Variants in HERC2 observed in about 807,000 individuals in gnomAD.
The protein encoded by HERC2 is HECT and RLD domain containing E3 ubiquitin protein ligase 2.
Under a neutral mutation model 537.7 loss-of-function variants are expected in HERC2, and 102 were observed. The ratio of observed to expected loss-of-function variants is 0.19; its 90% CI spans 0.16 to 0.22. The LOEUF is 0.22. Among genes scored for constraint, HERC2 ranks in the 10% least tolerant of loss-of-function variants. The pLI is 1.00. For missense variants in HERC2, 4,236 were observed against 6,198.2 expected, an observed-to-expected ratio of 0.68 and a Z score of 10.63; for synonymous variants, 2,224 against 2,466.2, an observed-to-expected ratio of 0.90 and a Z score of 2.91.
At position 28,280,224 on chromosome 15, in the gene HERC2, T is replaced by G; in HGVS notation, c.386A>C (p.Gln129Pro). The G allele has an allele frequency of 6.2e-7, 1 of 1,614,172 alleles. No homozygotes were observed. Among genetic ancestry groups the G allele is most frequent in the Non-Finnish European group, 8.5e-7 (1 of 1,180,000 alleles). ...GGCTGAGAGGGTGGTGGTGGCTGAC[T>G]GGACGGCCAGGGCCTGCTGCTCTTT... ...LVKEQQALAV[Q>P]SATTTLSALR... is the part of the protein sequence containing the mutation. The change falls in exon 5 of 93, where the codon CAG becomes CCG. Residue 129 changes from glutamine (Q) to proline (P), a missense_variant. Gln to Pro is a moderately conservative substitution (Grantham distance 76). Around this residue, in one of 27 missense-constraint regions of HERC2, gnomAD observed 491 missense variants for 559.3 expected, o/e 0.88. Transcript: ENST00000261609.
At chr15:28,255,326 G>C (rs994322848) in intron 19 of HERC2, among the ~76,000 whole-genome samples, 8 of 151,880 alleles carry the variant, frequency 5.3e-5, no homozygotes, top group East Asian at 1.9e-4. Flanking sequence ...AGAGCAAGAC[G>C]CTGTCTCAAA....
At chr15:28,269,199 A>G in intron 11 of HERC2, 49 bp downstream of exon 11, 1 of 1,507,614 alleles carries the variant, frequency 6.6e-7, no homozygotes, top group Non-Finnish European at 9.1e-7. Context: ...TGTAGGACAG[A>G]CCCTGCCCCG....
chr15:28,293,574 GTACA>G (rs1225810503), intron 3 of HERC2, among the ~76,000 whole-genome samples: 1 of 151,372 alleles, frequency 6.6e-6, no homozygotes, highest in African/African-American at 2.4e-5. Flanking sequence ...CTACTTCCTA[GTACA>G]TTTCTCAACT....
At chr15:28,132,871 T>C (rs766381602) in intron 79 of HERC2, 41 bp from the exon 80 acceptor site, 1 of 1,450,246 alleles carries the variant, frequency 6.9e-7, no homozygotes, top group Non-Finnish European at 9.2e-7. Flanking sequence ...CACATTTTTA[T>C]TCTTAAACAT....
chr15:28,208,270 G>A (rs1318161417), intron 44 of HERC2, among the ~76,000 whole-genome samples: 10 of 151,580 alleles, frequency 6.6e-5, no homozygotes, highest in East Asian at 1.9e-4. Context: ...TTTTTCAAAC[G>A]CACCACTCAC....
Position 28,132,568 on chromosome 15 carries a change from A to G in HERC2, c.12408+85T>C, listed in dbSNP as rs900414640. The G allele has an allele frequency of 1.5e-5, 19 of 1,267,826 alleles. No individual in the cohort carries two copies. In the African/African-American group the frequency reaches 1.5e-4, roughly 10 times the overall value. The allele number at this position is 1,267,826 out of a possible 1,614,324, so 78.5% of individuals were successfully genotyped here. A position where few individuals can be genotyped will look rare whatever the true frequency, so the allele number is the denominator to read the frequency against. ...CCTTCTAGAAGCCAAAGCATTTTTC[A>G]TAACAACGGTGGCAAACCGCCCCCA... On this transcript the variant is annotated intron_variant, in intron 80 of 92. Transcript: ENST00000261609.
chr15:28,287,400 G>A (rs2076185618), intron 4 of HERC2, among the ~76,000 whole-genome samples: 1 of 152,156 alleles, frequency 6.6e-6, no homozygotes, highest in Admixed American at 6.5e-5. Flanking sequence ...AGCAAGCAGA[G>A]CTTCCAAGTA....
chr15:28,242,376 G>C (rs1433052426), intron 23 of HERC2, among the ~76,000 whole-genome samples: 1 of 152,128 alleles, frequency 6.6e-6, no homozygotes, highest in Non-Finnish European at 1.5e-5. Flanking sequence ...GCACAACTTT[G>C]GTTACCAAAA....
intron 4 of HERC2, among the ~76,000 whole-genome samples, chr15:28,282,523 C>A (rs1423977807): frequency 4.6e-5 from 7 of 152,056 alleles, no homozygotes; most frequent in Admixed American, 4.6e-4. Context: ...CTGAAAAATA[C>A]AATAACCAAA....
intron 38 of HERC2, among the ~76,000 whole-genome samples, chr15:28,217,311 G>A (rs1229585093): frequency 1.3e-5 from 2 of 151,964 alleles, no homozygotes; most frequent in African/African-American, 4.8e-5. Context: ...GTAGTCACCT[G>A]CCCACTTACA....
chr15:28,166,591 G>C (rs1894159926), intron 68 of HERC2, among the ~76,000 whole-genome samples: 1 of 152,220 alleles, frequency 6.6e-6, no homozygotes, highest in South Asian at 2.1e-4. Flanking sequence ...CAGGCAGGGG[G>C]AGGGTAGGTG....
In HERC2 at chr15:28,190,968, T is replaced by C. The variant is rs1314528989; in HGVS notation, c.8646A>G (p.Thr2882=). The C allele has an allele frequency of 6.3e-7, 1 of 1,593,800 alleles. No individual in the cohort carries two copies. The highest frequency in any genetic ancestry group is 8.6e-7 in the Non-Finnish European group (1 of 1,161,440). The change falls in exon 55 of 93, where the codon ACA becomes ACG. Residue 2882 remains threonine (T), a synonymous_variant. Transcript: ENST00000261609. ...DTTVPLLNDC[T]EYHRYIEIAI... is the part of the protein sequence containing the mutation. ...GAACACTAGCATAGCTACTTACCTC[T>C]GTGCAGTCATTCAGAAGGGGCACTG...
chr15:28,129,425 C>A (rs1474989031), intron 83 of HERC2, among the ~76,000 whole-genome samples: 2 of 152,242 alleles, frequency 1.3e-5, no homozygotes, highest in Non-Finnish European at 2.9e-5. Flanking sequence ...CAGGGCTGAT[C>A]ACACAGGCAC....
intron 2 of HERC2, among the ~76,000 whole-genome samples, chr15:28,300,823 C>CAA (rs57696757): frequency 5.1e-3 from 67 of 13,154 alleles, no homozygotes; most frequent in African/African-American, 0.013. Context: ...GACTCCATCT[C>CAA]AAAAAAAAAA....
At chr15:28,129,780 C>CTTTTTTTTT (rs36068402) in intron 83 of HERC2, among the ~76,000 whole-genome samples, 1 of 143,552 alleles carries the variant, frequency 7.0e-6, no homozygotes. Flanking sequence ...CCTCTGCCTC[C>CTTTTTTTTT]TTTTTTTTTT....
chr15:28,189,450 T>C (rs1896624749), intron 55 of HERC2, among the ~76,000 whole-genome samples: 1 of 152,240 alleles, frequency 6.6e-6, no homozygotes, highest in Non-Finnish European at 1.5e-5. Flanking sequence ...TTGCAATAAG[T>C]TACCAGTAAA....
At position 28,185,677 on chromosome 15, in the gene HERC2, A is replaced by G. The variant is rs886849442; in HGVS notation, c.8825+900T>C. The stretch of plus-strand genomic sequence containing the variant: ...TCTCCTCTGGTATGCTGTCTTCCCT[A>G]TCAGAAACGCCCTTGCCTGTCCACT... On this transcript the variant is annotated intron_variant, in intron 56 of 92. Transcript: ENST00000261609. Among the ~76,000 whole-genome samples, 3 of 152,282 alleles carry G rather than the reference A, an allele frequency of 2.0e-5. No homozygotes were observed. The East Asian group carries it at 5.8e-4, about 29-fold the overall frequency.
In HERC2 at chr15:28,113,032, A is replaced by T; in HGVS notation, c.14232+39T>A. On this transcript the variant is annotated intron_variant, in intron 92 of 92. Transcript: ENST00000261609. This position sits in a 1 kb window ranked among gnomAD's most constrained non-coding sequence, Gnocchi z 7.0. ...GGAGCCAGCCACCCACCGTCGGCCG[A>T]CATCAGCCCAGGGCCGGCAAGCCCA... The T allele has an allele frequency of 6.3e-7, 1 of 1,578,602 alleles. No individual in the cohort carries two copies. Among genetic ancestry groups the T allele is most frequent in the South Asian group, 1.1e-5 (1 of 89,802 alleles).
At chr15:28,304,755 A>C in intron 2 of HERC2, among the ~76,000 whole-genome samples, 1 of 124,654 alleles carries the variant, frequency 8.0e-6, no homozygotes. Flanking sequence ...ACATGTGCAC[A>C]TTGCGCAGGT....
Sources: allele counts gnomAD v4.1 joint callset (sites outside exome capture counted in the v4.1 genomes callset), GRCh38; gene constraint gnomAD v4.1.1; regional missense constraint gnomAD v4.1.1; non-coding constraint Gnocchi (gnomAD v3.1); transcripts MANE v1.5; gene names NCBI Gene and HGNC (gene_info 2026-07-23, HGNC 2026-07-21).